Variants in CACNG7 observed in about 807,000 individuals in gnomAD.
CACNG7 encodes voltage-dependent calcium channel gamma-7 subunit.
In CACNG7, 9 loss-of-function variants were observed where a neutral mutation model predicts 26.3. The observed-to-expected ratio is 0.34, with a 90% CI of 0.21 to 0.60. CACNG7 has a LOEUF of 0.60. Among genes scored for constraint, CACNG7 ranks in the 20% least tolerant of loss-of-function variants. The probability of loss-of-function intolerance (pLI) is 0.81; values close to 1 mark genes in which losing one functional copy is unlikely to be tolerated. For missense variants in CACNG7, 297 were observed against 380.4 expected, an observed-to-expected ratio of 0.78 and a Z score of 1.82; for synonymous variants, 170 against 157.0, an observed-to-expected ratio of 1.08 and a Z score of -0.62.
intron 4 of CACNG7, among the ~76,000 whole-genome samples, chr19:53,935,634 CTTTTT>C (rs59884893): frequency 5.0e-4 from 21 of 42,262 alleles, no homozygotes; most frequent in African/African-American, 2.0e-3. Flanking sequence ...CCAATACTGT[CTTTTT>C]TTTTTTTTTT....
At chr19:53,921,287 T>TCAGGTCTGGTCATTGGTGGACTTGCCC (rs2068948080) in intron 4 of CACNG7, among the ~76,000 whole-genome samples, 3 of 33,352 alleles carry the variant, frequency 9.0e-5, no homozygotes, top group Non-Finnish European at 1.7e-4. Flanking sequence ...TGGAGTTGCC[T>TCAGGTCTGGTCATTGGTGGACTTGCCC]CAGGTCTGGT....
chr19:53,933,441 A>G (rs2069086458), intron 4 of CACNG7, among the ~76,000 whole-genome samples: 1 of 151,230 alleles, frequency 6.6e-6, no homozygotes, highest in Non-Finnish European at 1.5e-5. Context: ...CTGGGACTAT[A>G]GGCGCCCAAC....
chr19:53,924,401 T>C (rs1300934356), intron 4 of CACNG7, among the ~76,000 whole-genome samples: 2 of 146,098 alleles, frequency 1.4e-5, no homozygotes, highest in South Asian at 2.3e-4. Context: ...TCCCCAGGCC[T>C]GGTCATTGGT....
chr19:53,941,756 T>TCTTCCTCCAGGACCCAG, intron 5 of CACNG7, 141 bp downstream of exon 5: 1 of 1,125,750 alleles, frequency 8.9e-7, no homozygotes, highest in Non-Finnish European at 1.3e-6. Flanking sequence ...GTCTAACCCC[T>TCTTCCTCCAGGACCCAG]GGGTCCTGGA....
At position 53,940,172 on chromosome 19, in the gene CACNG7, A is replaced by G. The variant is rs947348437; in HGVS notation, c.425-1298A>G. Among the ~76,000 whole-genome samples the G allele has an allele frequency of 6.6e-6, 1 of 152,198 alleles. No individual in the cohort carries two copies. Among genetic ancestry groups the G allele is most frequent in the African/African-American group, 2.4e-5 (1 of 41,448 alleles). On this transcript the variant is annotated intron_variant, in intron 4 of 5. Coordinates refer to ENST00000391767, the MANE Select transcript of CACNG7 (RefSeq NM_031896.5). The surrounding 1 kb of genome is among the most constrained non-coding windows in gnomAD (Gnocchi z 4.1). ...ATGGTTACTGTTTAGAGGAAATTTC[A>G]TCTGGAGAAAATGATAATCGCCTCT...
chr19:53,913,072 T>C, intron 2 of CACNG7, 45 bp downstream of exon 2: 1 of 1,558,088 alleles, frequency 6.4e-7, no homozygotes, highest in Non-Finnish European at 8.8e-7. Flanking sequence ...CTGCCTTGCC[T>C]GGGGTCTGAG....
At chr19:53,921,399 G>A (rs2068950028) in intron 4 of CACNG7, among the ~76,000 whole-genome samples, 2 of 143,398 alleles carry the variant, frequency 1.4e-5, no homozygotes, top group African/African-American at 5.4e-5. Context: ...GTTGCCCCAG[G>A]TCTGGTCATT....
intron 4 of CACNG7, among the ~76,000 whole-genome samples, chr19:53,928,076 GA>G (rs150682215): frequency 0.023 from 1,804 of 78,124 alleles, 17 homozygotes; most frequent in Middle Eastern, 0.062. Flanking sequence ...AGGGAGGGGA[GA>G]AAAAGAGAAA....
chr19:53,934,318 T>C (rs1286579519), intron 4 of CACNG7, among the ~76,000 whole-genome samples: 1 of 152,220 alleles, frequency 6.6e-6, no homozygotes, highest in Non-Finnish European at 1.5e-5. Flanking sequence ...TTAAACATCA[T>C]TGGCAAGAAA....
chr19:53,915,262 C>G lies in CACNG7; in HGVS notation c.284-103C>G. 3.6e-6 allele frequency: 3 copies of G among 823,318 alleles called. No homozygotes were observed. The Admixed American group carries it at 6.2e-5, about 17-fold the overall frequency. 51.0% of individuals were successfully genotyped at this position (823,318 alleles called of 1,614,324 possible). A position where few individuals can be genotyped will look rare whatever the true frequency, so the allele number is the denominator to read the frequency against. On this transcript the variant is annotated intron_variant, in intron 3 of 5. Coordinates refer to ENST00000391767, the MANE Select transcript of CACNG7 (RefSeq NM_031896.5). ...AGGAGTCAGTAAGGAAAGGGAGGAGCCAAACAAAAACGCAGAGGTGGTGAG... is the reference window on the plus strand; with the variant it reads ...AGGAGTCAGTAAGGAAAGGGAGGAGGCAAACAAAAACGCAGAGGTGGTGAG...
At chr19:53,928,438 A>T (rs1452944539) in intron 4 of CACNG7, among the ~76,000 whole-genome samples, 1 of 150,936 alleles carries the variant, frequency 6.6e-6, no homozygotes, top group East Asian at 2.0e-4. Context: ...TGCCTGGCTA[A>T]TTTTTTTTTG....
intron 4 of CACNG7, among the ~76,000 whole-genome samples, chr19:53,937,414 C>A (rs2069111684): frequency 6.6e-6 from 1 of 152,188 alleles, no homozygotes; most frequent in South Asian, 2.1e-4. Flanking sequence ...ATTCTCTCAG[C>A]CTCCCCAAAA....
In CACNG7 at chr19:53,939,682, G is replaced by C. The variant is rs371927369; in HGVS notation, c.425-1788G>C. On this transcript the variant is annotated intron_variant, in intron 4 of 5. Coordinates refer to ENST00000391767, the MANE Select transcript of CACNG7 (RefSeq NM_031896.5). This position sits in a 1 kb window ranked among gnomAD's most constrained non-coding sequence, Gnocchi z 4.2. The stretch of plus-strand genomic sequence containing the variant: ...TTTGTTTATCCATTCATCAGCTGAT[G>C]GGCATTTGGGCTGTTTCCGCTTTTT... Among the ~76,000 whole-genome samples, 1 of 152,144 alleles carries C rather than the reference G, an allele frequency of 6.6e-6. No homozygotes were observed. The highest frequency in any genetic ancestry group is 1.5e-5 in the Non-Finnish European group (1 of 68,042).
chr19:53,941,704 G>A, intron 5 of CACNG7, 89 bp downstream of exon 5: 1 of 1,465,782 alleles, frequency 6.8e-7, no homozygotes, highest in Non-Finnish European at 9.3e-7. Context: ...AGGAGAGGCT[G>A]GAGATGCAGA....
intron 4 of CACNG7, among the ~76,000 whole-genome samples, chr19:53,934,266 C>T (rs1038205813): frequency 1.1e-4 from 17 of 152,136 alleles, no homozygotes; most frequent in African/African-American, 4.1e-4. Context: ...TTTTCTGTAA[C>T]CTGGAAGTTC....
At chr19:53,930,005 G>A (rs2069060226) in intron 4 of CACNG7, among the ~76,000 whole-genome samples, 1 of 150,992 alleles carries the variant, frequency 6.6e-6, no homozygotes, top group Non-Finnish European at 1.5e-5. Context: ...CATCTAACTG[G>A]GGATGGAGGA....
At chr19:53,934,059 G>A (rs551106165) in intron 4 of CACNG7, among the ~76,000 whole-genome samples, 75 of 151,826 alleles carry the variant, frequency 4.9e-4, no homozygotes, top group African/African-American at 1.5e-3. Context: ...CACCACGCCC[G>A]GCTAATTTTG....
At chr19:53,914,463 C>T in intron 2 of CACNG7, 37 bp from the exon 3 acceptor site, 1 of 1,583,138 alleles carries the variant, frequency 6.3e-7, no homozygotes, top group East Asian at 2.2e-5. Context: ...AGCTTAGGAG[C>T]CTCTCATCCA....
At chr19:53,925,021 C>G (rs74182515) in intron 4 of CACNG7, among the ~76,000 whole-genome samples, 563 of 54,476 alleles carry the variant, frequency 0.01, no homozygotes, top group African/African-American at 0.017. Flanking sequence ...TATTGGTGGA[C>G]TTGCCTAGGG....
Sources: allele counts gnomAD v4.1 joint callset (sites outside exome capture counted in the v4.1 genomes callset), GRCh38; gene constraint gnomAD v4.1.1; non-coding constraint Gnocchi (gnomAD v3.1); transcripts MANE v1.5; gene names NCBI Gene and HGNC (gene_info 2026-07-23, HGNC 2026-07-21).